MARCO: variants seen among roughly 807,000 people sequenced by gnomAD.
The protein encoded by MARCO is macrophage receptor with collagenous structure, also known as macrophage receptor MARCO.
In MARCO, 72 loss-of-function variants were observed where a neutral mutation model predicts 70.0. That is an observed-to-expected ratio of 1.03 (90% CI 0.85 to 1.25). The LOEUF is 1.25. Ranked by LOEUF, MARCO falls within the 50% of genes most tolerant of loss-of-function variation. The probability of loss-of-function intolerance (pLI) is 0.00; values close to 1 mark genes in which losing one functional copy is unlikely to be tolerated. For synonymous variants in MARCO, 273 were observed against 243.1 expected (o/e 1.12, Z -1.14); for missense variants, 696 against 659.3 (o/e 1.06, Z -0.61).
chr2:118,989,213 A>T (rs566398126), intron 12 of MARCO, among the ~76,000 whole-genome samples: 5 of 152,320 alleles, frequency 3.3e-5, no homozygotes, highest in African/African-American at 9.6e-5. Flanking sequence ...CTCCAGGTGA[A>T]CCAAAGCAGT....
At chr2:118,984,991 G>T (rs991812872) in intron 12 of MARCO, among the ~76,000 whole-genome samples, 1 of 152,188 alleles carries the variant, frequency 6.6e-6, no homozygotes, top group Non-Finnish European at 1.5e-5. Flanking sequence ...CTAGGTGACA[G>T]CTAGGTTTCA....
chr2:118,980,264 T>C (rs1359759587), intron 8 of MARCO, among the ~76,000 whole-genome samples: 8 of 152,224 alleles, frequency 5.3e-5, no homozygotes, highest in Non-Finnish European at 1.2e-4. Context: ...CCTCCTCTGC[T>C]TTTTGCATCT....
intron 1 of MARCO, among the ~76,000 whole-genome samples, chr2:118,950,191 A>G (rs1679693400): frequency 6.6e-6 from 1 of 152,236 alleles, no homozygotes; most frequent in Non-Finnish European, 1.5e-5. Flanking sequence ...TTAATGTTAA[A>G]TTTAATTTTA....
intron 14 of MARCO, 29 bp from the exon 15 acceptor site, chr2:118,992,403 A>C (rs762155349): frequency 6.2e-7 from 1 of 1,611,404 alleles, no homozygotes; most frequent in Non-Finnish European, 8.5e-7. Flanking sequence ...GGTTTCTTTC[A>C]AACCGTGTGG....
At chr2:118,945,046 C>T (rs1041547887) in intron 1 of MARCO, 1 of 151,930 alleles carries the variant, frequency 6.6e-6, no homozygotes, top group African/African-American at 2.4e-5. Context: ...GATGAATAAC[C>T]ACCACAAAGA....
intron 4 of MARCO, 125 bp downstream of exon 4, chr2:118,971,659 C>A: frequency 1.1e-6 from 1 of 893,910 alleles, no homozygotes; most frequent in Non-Finnish European, 1.8e-6. Flanking sequence ...GTCTCCACAG[C>A]CTCCTTTGTC....
At chr2:118,945,655 C>T (rs921163160) in intron 1 of MARCO, among the ~76,000 whole-genome samples, 2 of 151,942 alleles carry the variant, frequency 1.3e-5, no homozygotes, top group East Asian at 1.9e-4. Context: ...TCAAGTGATC[C>T]GCCCCCCTTG....
Position 118,977,491 on chromosome 2 carries a change from G to T in MARCO, c.634G>T (p.Ala212Ser). The change falls in exon 7 of 17, where the codon GCT (alanine) becomes TCT (serine). Residue 212 changes from alanine to serine, a missense_variant. Coordinates refer to ENST00000327097, the MANE Select transcript of MARCO (RefSeq NM_006770.4). The stretch of plus-strand genomic sequence containing the variant: ...CACAGGCCTCCAAGGACCCCAGGGT[G>T]CTCCAGGGAAGCAAGGAGCCACTGG... ...GEAGLQGPQG[A>S]PGKQGATGTP... 1 of 1,613,962 alleles carries T rather than the reference G, an allele frequency of 6.2e-7. No homozygotes were observed. Among genetic ancestry groups the T allele is most frequent in the Non-Finnish European group, 8.5e-7 (1 of 1,179,922 alleles).
intron 2 of MARCO, 119 bp downstream of exon 2, chr2:118,969,380 G>C: frequency 1.4e-6 from 1 of 721,678 alleles, no homozygotes; most frequent in African/African-American, 1.7e-5. Flanking sequence ...CCCATCTGCT[G>C]GGAGACAGTC....
intron 3 of MARCO, among the ~76,000 whole-genome samples, chr2:118,970,607 G>T (rs539608931): frequency 6.6e-6 from 1 of 152,304 alleles, no homozygotes. Flanking sequence ...GTTGGGGAGA[G>T]AGCAACTGAA....
chr2:118,970,261 T>C lies in MARCO; in HGVS notation c.347T>C (p.Leu116Pro). ...LAQGASRLQVLQAQLTWVRVS... is the reference protein window; with the variant it reads ...LAQGASRLQVPQAQLTWVRVS... ...CAGGGTGCATCGAGGCTGCAAGTCC[T>C]GCAGGCCCAACTCACCTGGGTCCGC... is the stretch of plus-strand genomic sequence containing the variant. Residue 116 changes from leucine to proline, a missense_variant, in exon 3 of 17, where the codon CTG (leucine) becomes CCG (proline). Leu to Pro is a moderately conservative substitution (Grantham distance 98, BLOSUM62 -3). Coordinates refer to ENST00000327097, the MANE Select transcript of MARCO (RefSeq NM_006770.4). 2 of 1,614,098 alleles carry C rather than the reference T, an allele frequency of 1.2e-6. No homozygotes were observed. Among genetic ancestry groups the C allele is most frequent in the East Asian group, 2.2e-5 (1 of 44,860 alleles).
intron 1 of MARCO, among the ~76,000 whole-genome samples, chr2:118,960,665 G>A (rs908329687): frequency 5.3e-5 from 8 of 150,300 alleles, no homozygotes. Context: ...ACTTTGTTGT[G>A]GCATATAATT....
intron 3 of MARCO, 103 bp downstream of exon 3, chr2:118,970,441 C>A: frequency 1.2e-6 from 1 of 860,554 alleles, no homozygotes; most frequent in Non-Finnish European, 1.8e-6. Context: ...CAAAGTGTGA[C>A]CTCCAAGAGC....
At chr2:118,974,988 C>T (rs954765791) in intron 6 of MARCO, among the ~76,000 whole-genome samples, 1 of 152,128 alleles carries the variant, frequency 6.6e-6, no homozygotes, top group Non-Finnish European at 1.5e-5. Flanking sequence ...GAAACCGAGC[C>T]TCAGTTTCTT....
intron 12 of MARCO, among the ~76,000 whole-genome samples, chr2:118,988,632 TTCA>T (rs1680560103): frequency 6.6e-6 from 1 of 152,070 alleles, no homozygotes. Flanking sequence ...TGTTTTCTAC[TTCA>T]TCACCATCAT....
intron 8 of MARCO, 47 bp downstream of exon 8, chr2:118,977,982 G>A: frequency 3.8e-6 from 5 of 1,315,294 alleles, no homozygotes; most frequent in Non-Finnish European, 5.4e-6. Flanking sequence ...AGGCCTGAGG[G>A]AACTAGGGCC....
chr2:118,943,895 G>A (rs1679549067), intron 1 of MARCO, among the ~76,000 whole-genome samples: 1 of 152,200 alleles, frequency 6.6e-6, no homozygotes, highest in South Asian at 2.1e-4. Context: ...TAATGTGCAT[G>A]TGAGGTTGCT....
intron 3 of MARCO, 146 bp from the exon 4 acceptor site, chr2:118,971,353 C>A: frequency 2.6e-6 from 2 of 780,168 alleles, no homozygotes; most frequent in South Asian, 1.5e-5. Context: ...AGGTGCTTGG[C>A]TCCTGTTGTC....
At chr2:118,994,306 C>A in intron 16 of MARCO, 81 bp from the exon 17 acceptor site, 4 of 1,518,920 alleles carry the variant, frequency 2.6e-6, no homozygotes, top group Non-Finnish European at 3.6e-6. Flanking sequence ...CAGATGGAAG[C>A]TCCCAGGCGC....
Sources: allele counts gnomAD v4.1 joint callset (sites outside exome capture counted in the v4.1 genomes callset), GRCh38; gene constraint gnomAD v4.1.1; transcripts MANE v1.5; gene names NCBI Gene and HGNC (gene_info 2026-07-23, HGNC 2026-07-21).